PTN: variants seen among roughly 807,000 people sequenced by gnomAD.
The protein encoded by PTN is pleiotrophin.
PTN carries 18 observed loss-of-function variants against 24.1 expected under a neutral mutation model. The ratio of observed to expected loss-of-function variants is 0.75; its 90% CI spans 0.52 to 1.11. The LOEUF (loss-of-function observed/expected upper bound fraction) is 1.11. PTN is among the 50% of genes least tolerant of loss of function. The pLI is 0.00. For synonymous variants in PTN, 78 were observed against 68.6 expected (o/e 1.14, Z -0.67); for missense variants, 163 against 198.8 (o/e 0.82, Z 1.08).
chr7:137,318,885 C>T (rs946922170), intron 1 of PTN: 2 of 152,176 alleles, frequency 1.3e-5, no homozygotes, highest in Admixed American at 6.5e-5. Flanking sequence ...GCATTGCCCT[C>T]AATAAGTAGA....
intron 1 of PTN, among the ~76,000 whole-genome samples, chr7:137,321,448 T>C (rs1425641349): frequency 6.6e-6 from 1 of 152,234 alleles, no homozygotes. Context: ...CCAATGTCTT[T>C]ATTCATGCTC....
rs191932716 is a variant in PTN, at chr7:137,337,722, G to A, written c.-2+5717C>T. 6.6e-4 allele frequency among the ~76,000 whole-genome samples: 101 copies of A among 152,282 alleles called. 1 individual carries two copies. The highest frequency in any genetic ancestry group is 9.3e-4 in the Non-Finnish European group (63 of 68,012). ...GCCTATATGACATTTGTAATGAAGG[G>A]AGTGAAGGAAAGAGAGTGGGAGAAG... On this transcript the variant is annotated intron_variant, in intron 1 of 4. Coordinates refer to ENST00000348225, the MANE Select transcript of PTN (RefSeq NM_002825.7).
intron 1 of PTN, among the ~76,000 whole-genome samples, chr7:137,266,367 T>A (rs1809144798): frequency 6.6e-6 from 1 of 152,206 alleles, no homozygotes; most frequent in Non-Finnish European, 1.5e-5. Flanking sequence ...AAAGGTATAT[T>A]TAACTTTCCT....
intron 1 of PTN, among the ~76,000 whole-genome samples, chr7:137,257,817 C>A (rs1808960995): frequency 6.6e-6 from 1 of 152,194 alleles, no homozygotes; most frequent in Non-Finnish European, 1.5e-5. Flanking sequence ...GAACGCAGAA[C>A]TCTTGAGAGA....
In PTN at chr7:137,248,212, T is replaced by C. The variant is rs141497109; in HGVS notation, c.451+3018A>G. Among the ~76,000 whole-genome samples, 496 of 152,340 alleles carry C rather than the reference T, an allele frequency of 3.3e-3. 2 individuals are homozygous for C. Among genetic ancestry groups the C allele is most frequent in the South Asian group, 0.017 (82 of 4,824 alleles). Reference sequence around the variant, plus strand: ...TGCAAAGGAAAAGCTATAATATCTATCCAAGTTTATTTGAGAAAAATAGTA... The same window carrying C: ...TGCAAAGGAAAAGCTATAATATCTACCCAAGTTTATTTGAGAAAAATAGTA... On this transcript the variant is annotated intron_variant, in intron 4 of 4. Coordinates refer to ENST00000348225, the MANE Select transcript of PTN (RefSeq NM_002825.7).
intron 4 of PTN, among the ~76,000 whole-genome samples, chr7:137,242,119 G>A (rs1808638955): frequency 6.6e-6 from 1 of 152,178 alleles, no homozygotes; most frequent in South Asian, 2.1e-4. Context: ...GGAGAGAATT[G>A]AGAATGCTGG....
At chr7:137,317,162 G>A (rs1012297313) in intron 1 of PTN, among the ~76,000 whole-genome samples, 4 of 152,162 alleles carry the variant, frequency 2.6e-5, no homozygotes, top group African/African-American at 4.8e-5. Context: ...GATGAAAATC[G>A]GCCTGGGTGA....
At chr7:137,315,143 A>G (rs1055853777) in intron 1 of PTN, among the ~76,000 whole-genome samples, 3 of 152,182 alleles carry the variant, frequency 2.0e-5, no homozygotes, top group African/African-American at 4.8e-5. Context: ...CTCGTTGCCA[A>G]TGCAAAATAG....
Position 137,343,715 on chromosome 7 carries a change from C to T in PTN, c.-278G>A, listed in dbSNP as rs564655227. The T allele has an allele frequency of 2.1e-6, 1 of 468,748 alleles. No homozygotes were observed. Among genetic ancestry groups the T allele is most frequent in the East Asian group, 6.4e-5 (1 of 15,600 alleles). The allele number at this position is 468,748 out of a possible 1,614,324, so 29.0% of individuals were successfully genotyped here. ...CAATTACGCCCTGACAGGGAGGGAA[C>T]GGAAGGGAAATGGAGAATGGGAGGG... On this transcript the variant is annotated 5_prime_UTR_variant, in exon 1 of 5. Coordinates refer to ENST00000348225, the MANE Select transcript of PTN (RefSeq NM_002825.7).
intron 1 of PTN, among the ~76,000 whole-genome samples, chr7:137,264,818 G>C (rs942367904): frequency 6.6e-6 from 1 of 152,198 alleles, no homozygotes; most frequent in African/African-American, 2.4e-5. Flanking sequence ...TTTTGCCTAA[G>C]AGTTAGCTTA....
chr7:137,250,613 T>C (rs1338307191), intron 4 of PTN, among the ~76,000 whole-genome samples: 3 of 152,176 alleles, frequency 2.0e-5, no homozygotes, highest in Non-Finnish European at 4.4e-5. Flanking sequence ...ATGTATGAAT[T>C]CATGGCCATA....
chr7:137,298,848 A>C (rs1256590711), intron 1 of PTN, among the ~76,000 whole-genome samples: 1 of 151,976 alleles, frequency 6.6e-6, no homozygotes, highest in African/African-American at 2.4e-5. Flanking sequence ...TCTATAATAT[A>C]GCCAGGGATT....
At chr7:137,274,873 T>G (rs973304435) in intron 1 of PTN, among the ~76,000 whole-genome samples, 1 of 152,124 alleles carries the variant, frequency 6.6e-6, no homozygotes, top group Non-Finnish European at 1.5e-5. Flanking sequence ...TTTAATATGG[T>G]GGAAAGAGAA....
At chr7:137,290,847 TA>T (rs531280268) in intron 1 of PTN, among the ~76,000 whole-genome samples, 2 of 151,366 alleles carry the variant, frequency 1.3e-5, no homozygotes, top group African/African-American at 2.4e-5. Flanking sequence ...CTCTTCCAAT[TA>T]AAAAAAAATA....
At chr7:137,237,516 G>A (rs1808545034) in intron 4 of PTN, among the ~76,000 whole-genome samples, 1 of 152,112 alleles carries the variant, frequency 6.6e-6, no homozygotes, top group Non-Finnish European at 1.5e-5. Context: ...TAGGATGTTA[G>A]TTTATTGTTA....
At chr7:137,245,206 C>G (rs1480140923) in intron 4 of PTN, among the ~76,000 whole-genome samples, 1 of 152,244 alleles carries the variant, frequency 6.6e-6, no homozygotes, top group African/African-American at 2.4e-5. Flanking sequence ...ACAAACAAAA[C>G]AGATCCTGAT....
chr7:137,322,554 C>CT (rs1368131641), intron 1 of PTN, among the ~76,000 whole-genome samples: 1 of 151,928 alleles, frequency 6.6e-6, no homozygotes, highest in African/African-American at 2.4e-5. Context: ...ATTAAAAACT[C>CT]TGTTATTCAT....
At chr7:137,278,259 A>T (rs1036849672) in intron 1 of PTN, among the ~76,000 whole-genome samples, 18 of 131,906 alleles carry the variant, frequency 1.4e-4, no homozygotes, top group African/African-American at 5.1e-4. Context: ...GTGAGCCGAG[A>T]TCGCGCCACT....
At chr7:137,258,751 G>A (rs1808980364) in intron 1 of PTN, among the ~76,000 whole-genome samples, 1 of 152,086 alleles carries the variant, frequency 6.6e-6, no homozygotes, top group Non-Finnish European at 1.5e-5. Flanking sequence ...TATTTGCATA[G>A]TTGATTGTTT....
Sources: allele counts gnomAD v4.1 joint callset (sites outside exome capture counted in the v4.1 genomes callset), GRCh38; gene constraint gnomAD v4.1.1; transcripts MANE v1.5; gene names NCBI Gene and HGNC (gene_info 2026-07-23, HGNC 2026-07-21).